Variants in DSPP observed in about 807,000 individuals in gnomAD.
The protein encoded by DSPP is dentin sialophosphoprotein, also known as deafness, autosomal dominant 39.
In DSPP, 28 loss-of-function variants were observed where a neutral mutation model predicts 29.1. That is an observed-to-expected ratio of 0.96 (90% CI 0.71 to 1.32). The LOEUF is 1.32. Ranked by LOEUF, DSPP falls within the 40% of genes most tolerant of loss-of-function variation. DSPP has a pLI of 0.00. For missense variants in DSPP, 1,281 were observed against 1,629.9 expected, an observed-to-expected ratio of 0.79 and a Z score of 3.69; for synonymous variants, 481 against 503.4, an observed-to-expected ratio of 0.96 and a Z score of 0.60.
In DSPP at chr4:87,614,951, CAGCAGTGACAGCAGTGAT is replaced by C. The variant is rs1270564167; in HGVS notation, c.2310_2327del (p.Asp775_Ser780del). 2.1e-5 allele frequency: 32 copies of C among 1,535,906 alleles called. 1 individual carries two copies. Among genetic ancestry groups the C allele is most frequent in the Middle Eastern group, 3.4e-4 (2 of 5,906 alleles). On this transcript the variant is annotated inframe_deletion, in exon 5 of 5. Coordinates refer to ENST00000651931, the MANE Select transcript of DSPP (RefSeq NM_014208.3). Reference sequence around the variant, plus strand: ...GTAGCGATAGCAGTGACAGCAGCAACAGCAGTGACAGCAGTGATAGCAGTGACAGCAGTGATAGTAGTG... The same window carrying C: ...GTAGCGATAGCAGTGACAGCAGCAACAGCAGTGACAGCAGTGATAGTAGTG...
At chr4:87,611,719 T>C (rs1016069902) in intron 2 of DSPP, among the ~76,000 whole-genome samples, 13 of 151,814 alleles carry the variant, frequency 8.6e-5, no homozygotes, top group African/African-American at 3.1e-4. Flanking sequence ...CTCTTAAGAG[T>C]TTTCATCAGG....
intron 1 of DSPP, among the ~76,000 whole-genome samples, chr4:87,608,881 A>G (rs1727683884): frequency 1.3e-5 from 2 of 152,228 alleles, no homozygotes; most frequent in African/African-American, 4.8e-5. Context: ...ACAATTAACT[A>G]TCTGGGCACT....
chr4:87,614,325 A>T lies in DSPP; in HGVS notation c.1663A>T (p.Ser555Cys). Residue 555 changes from serine to cysteine, a missense_variant, in exon 5 of 5, where the codon AGT (serine) becomes TGT (cysteine). This residue lies in a region of DSPP where 444 missense variants were observed against 611.4 expected (regional missense o/e 0.73). Coordinates refer to ENST00000651931, the MANE Select transcript of DSPP (RefSeq NM_014208.3). ...GKSDSSDSDS[S>C]DSSNSSDSSD... ...ATCAGATAGCAGTGACAGTGATAGT[A>T]GTGATAGCAGCAATAGCAGTGATAG... The T allele has an allele frequency of 1.2e-6, 2 of 1,611,700 alleles. No homozygotes were observed. Among genetic ancestry groups the T allele is most frequent in the Non-Finnish European group, 1.7e-6 (2 of 1,178,582 alleles).
In DSPP at chr4:87,616,676, A is replaced by G; in HGVS notation, c.*108A>G. 1 of 1,518,664 alleles carries G rather than the reference A, an allele frequency of 6.6e-7. No individual in the cohort carries two copies. The highest frequency in any genetic ancestry group is 8.9e-7 in the Non-Finnish European group (1 of 1,122,116). The allele number at this position is 1,518,664 out of a possible 1,614,324, so 94.1% of individuals were successfully genotyped here. A position where few individuals can be genotyped will look rare whatever the true frequency, so the allele number is the denominator to read the frequency against. The stretch of plus-strand genomic sequence containing the variant: ...AAGGGGAGAAATAAACATAAGACGT[A>G]TGTAAACAAAAACAACTGGGGGAAT... On this transcript the variant is annotated 3_prime_UTR_variant, in exon 5 of 5. Coordinates refer to ENST00000651931, the MANE Select transcript of DSPP (RefSeq NM_014208.3).
rs369587098 is a variant in DSPP, at chr4:87,616,449, T to A, written c.3787T>A (p.Ser1263Thr). 1 of 1,550,794 alleles carries A rather than the reference T, an allele frequency of 6.4e-7. No individual in the cohort carries two copies. Among genetic ancestry groups the A allele is most frequent in the Non-Finnish European group, 8.7e-7 (1 of 1,146,914 alleles). Residue 1263 changes from serine (S) to threonine (T), a missense_variant, in exon 5 of 5, where the codon TCT becomes ACT. Transcript: ENST00000651931. ...SDSSDSSDSTSDSNDESDSQS... is the reference protein window; with the variant it reads ...SDSSDSSDSTTDSNDESDSQS... ...CAGCAGTGATAGCAGTGACAGCACA[T>A]CTGACAGCAATGATGAGAGTGACAG...
intron 2 of DSPP, 78 bp from the exon 3 acceptor site, chr4:87,612,020 TGTGTGTG>T: frequency 1.3e-6 from 1 of 750,258 alleles, no homozygotes; most frequent in Non-Finnish European, 1.9e-6. Flanking sequence ...TTTGTGTGTG[TGTGTGTG>T]TGTGTGTGTG....
Position 87,616,433 on chromosome 4 carries a change from T to C in DSPP, c.3771T>C (p.Asp1257=), listed in dbSNP as rs758242727. ...SNSSDSSDSS[D]SSDSTSDSND... is the part of the protein sequence containing the mutation. ...GCAGTGACAGCAGCGACAGCAGTGA[T>C]AGCAGTGACAGCACATCTGACAGCA... The change falls in exon 5 of 5, where the codon GAT becomes GAC. Residue 1257 remains aspartate (D), a synonymous_variant. Coordinates refer to ENST00000651931, the MANE Select transcript of DSPP (RefSeq NM_014208.3). 52 of 1,534,618 alleles carry C rather than the reference T, an allele frequency of 3.4e-5. No homozygotes were observed. The highest frequency in any genetic ancestry group is 2.2e-4 in the Admixed American group (11 of 50,280).
Position 87,612,942 on chromosome 4 carries a change from T to G in DSPP, c.756T>G (p.Asp252Glu). The G allele has an allele frequency of 1.2e-6, 2 of 1,613,858 alleles. No individual in the cohort carries two copies. Among genetic ancestry groups the G allele is most frequent in the Non-Finnish European group, 8.5e-7 (1 of 1,179,972 alleles). Residue 252 changes from aspartate (D) to glutamate (E), a missense_variant, in exon 4 of 5, where the codon GAT becomes GAG. Asp to Glu is a conservative substitution (Grantham distance 45, BLOSUM62 2). This residue lies in a region of DSPP where 631 missense variants were observed against 643.2 expected (regional missense o/e 0.98). Transcript: ENST00000651931. ...GGAGTCCTAGTGGGAATGGAGCAGA[T>G]GAGGATGAAGACGAGGGTTCTGGTG... ...SDGSPSGNGADEDEDEGSGDD... is the reference protein window; with the variant it reads ...SDGSPSGNGAEEDEDEGSGDD...
rs779184591 is a variant in DSPP, at chr4:87,615,368, T to TAGTGACAGCAGTGATAGCAGCAACAGC, written c.2739_2765dup (p.Asp916_Ser924dup). 6.5e-7 allele frequency: 1 copy of TAGTGACAGCAGTGATAGCAGCAACAGC among 1,528,556 alleles called. No homozygotes were observed. The highest frequency in any genetic ancestry group is 2.5e-5 in the East Asian group (1 of 39,832). The allele number at this position is 1,528,556 out of a possible 1,614,324, so 94.7% of individuals were successfully genotyped here. A position where few individuals can be genotyped will look rare whatever the true frequency, so the allele number is the denominator to read the frequency against. On this transcript the variant is annotated inframe_insertion, in exon 5 of 5. Transcript: ENST00000651931. ...GCAGTGATAGCAGCAACAGCAGTGATAGTGACAGCAGTGATAGCAGCAACA... is the reference window on the plus strand; with the variant it reads ...GCAGTGATAGCAGCAACAGCAGTGATAGTGACAGCAGTGATAGCAGCAACAGCAGTGACAGCAGTGATAGCAGCAACA...
rs370969954 is a variant in DSPP at position 87,612,698 on chromosome 4, G to A, written c.512G>A (p.Gly171Asp). ...CAAAATGGGGATGTTGGCGATGCAG[G>A]TCACAATGAGGATGTCGCTGTTGTC... is the stretch of plus-strand genomic sequence containing the variant. ...NTQNGDVGDA[G>D]HNEDVAVVQE... is the part of the protein sequence containing the mutation. Residue 171 changes from glycine to aspartate, a missense_variant, in exon 4 of 5, where the codon GGT becomes GAT. By Grantham distance (94) the Gly-to-Asp change is moderately conservative. Coordinates refer to ENST00000651931, the MANE Select transcript of DSPP (RefSeq NM_014208.3). 187 of 1,614,058 alleles carry A rather than the reference G, an allele frequency of 1.2e-4. No individual in the cohort carries two copies. Among genetic ancestry groups the A allele is most frequent in the Non-Finnish European group, 1.5e-4 (180 of 1,180,030 alleles).
intron 1 of DSPP, 85 bp from the exon 2 acceptor site, chr4:87,610,796 C>T: frequency 1.1e-6 from 1 of 910,890 alleles, no homozygotes; most frequent in Non-Finnish European, 1.8e-6. Flanking sequence ...AGGAAAAGGG[C>T]AAATGCTTAC....
chr4:87,616,759 A>T lies in DSPP; in HGVS notation c.*191A>T, dbSNP rs924618304. On this transcript the variant is annotated 3_prime_UTR_variant, in exon 5 of 5. Transcript: ENST00000651931. ...TAACTCCTGCAGAGACAGACTCTGA[A>T]TGCATGACCTTTGGTACATGCCTGT... 3 of 852,448 alleles carry T rather than the reference A, an allele frequency of 3.5e-6. No individual in the cohort carries two copies. Among genetic ancestry groups the T allele is most frequent in the Non-Finnish European group, 5.4e-6 (3 of 555,172 alleles). The allele number at this position is 852,448 out of a possible 1,614,324, so 52.8% of individuals were successfully genotyped here. A position where few individuals can be genotyped will look rare whatever the true frequency, so the allele number is the denominator to read the frequency against.
Position 87,615,944 on chromosome 4 carries a change from T to A in DSPP, c.3282T>A (p.Ser1094Arg). 4 of 414,650 alleles carry A rather than the reference T, an allele frequency of 9.6e-6. 1 individual carries two copies. Among genetic ancestry groups the A allele is most frequent in the African/African-American group, 1.9e-4 (2 of 10,762 alleles). 25.7% of individuals were successfully genotyped at this position (414,650 alleles called of 1,614,324 possible). The part of the protein sequence containing the change: ...SSDSSDSSNS[S>R]DSSDSSDSSD... ...ATAGCAGTGACAGCAGCAATAGCAG[T>A]GACAGCAGCGATAGCAGCGACAGCA... The change falls in exon 5 of 5, where the codon AGT becomes AGA. Residue 1094 changes from serine (S) to arginine (R), a missense_variant. By Grantham distance (110) the Ser-to-Arg change is moderately radical. Around this residue, in one of 4 missense-constraint regions of DSPP, gnomAD observed 72 missense variants for 190.3 expected, o/e 0.38. Transcript: ENST00000651931.
Position 87,616,109 on chromosome 4 carries a change from A to G in DSPP, c.3447A>G (p.Glu1149=), listed in dbSNP as rs200612038. 3.4e-6 allele frequency: 2 copies of G among 596,762 alleles called. No individual in the cohort carries two copies. The highest frequency in any genetic ancestry group is 4.4e-6 in the Non-Finnish European group (2 of 452,176). The allele number at this position is 596,762 out of a possible 1,614,324, so 37.0% of individuals were successfully genotyped here. ...GCAGTGACAGCAGTGACAGCAGTGA[A>G]AGCAGCGACAGCAGTGACAGCAGCG... ...SNSSDSSDSS[E]SSDSSDSSDS... is the part of the protein sequence containing the mutation. The change falls in exon 5 of 5, where the codon GAA becomes GAG. Residue 1149 remains glutamate, a synonymous_variant. Coordinates refer to ENST00000651931, the MANE Select transcript of DSPP (RefSeq NM_014208.3).
At chr4:87,609,372 T>C (rs1466938278) in intron 1 of DSPP, among the ~76,000 whole-genome samples, 1 of 152,166 alleles carries the variant, frequency 6.6e-6, no homozygotes, top group Non-Finnish European at 1.5e-5. Context: ...CAAATCACAG[T>C]GCAGACGGGC....
At chr4:87,613,671 A>G in intron 4 of DSPP, 114 bp from the exon 5 acceptor site, 1 of 1,425,576 alleles carries the variant, frequency 7.0e-7, no homozygotes, top group Non-Finnish European at 9.8e-7. Flanking sequence ...GTGAAGTACT[A>G]GAAATGTAAC....
In DSPP at chr4:87,612,680, G is replaced by A. The variant is rs1310693941; in HGVS notation, c.494G>A (p.Gly165Glu). 1 of 1,613,986 alleles carries A rather than the reference G, an allele frequency of 6.2e-7. No homozygotes were observed. Among genetic ancestry groups the A allele is most frequent in the African/African-American group, 1.3e-5 (1 of 74,918 alleles). The change falls in exon 4 of 5, where the codon GGG becomes GAG. Residue 165 changes from glycine (G) to glutamate (E), a missense_variant. Gly to Glu is a moderately conservative substitution (Grantham distance 98, BLOSUM62 -2). Around this residue, in one of 4 missense-constraint regions of DSPP, gnomAD observed 631 missense variants for 643.2 expected, o/e 0.98. Coordinates refer to ENST00000651931, the MANE Select transcript of DSPP (RefSeq NM_014208.3). Reference sequence around the variant, plus strand: ...AATACTGATAAGAATACCCAAAATGGGGATGTTGGCGATGCAGGTCACAAT... The same window carrying A: ...AATACTGATAAGAATACCCAAAATGAGGATGTTGGCGATGCAGGTCACAAT... ...NGNTDKNTQN[G>E]DVGDAGHNED... is the part of the protein sequence containing the mutation.
intron 2 of DSPP, 90 bp from the exon 3 acceptor site, chr4:87,612,007 ATATTTGTG>A: frequency 8.5e-7 from 1 of 1,181,224 alleles, no homozygotes; most frequent in Middle Eastern, 2.7e-4. Flanking sequence ...GGAGGGAAGA[ATATTTGTG>A]TGTGTGTGTG....
chr4:87,616,478 G>C lies in DSPP; in HGVS notation c.3816G>C (p.Gln1272His), dbSNP rs1727959544. Residue 1272 changes from glutamine (Q) to histidine (H), a missense_variant, in exon 5 of 5, where the codon CAG becomes CAC. Physicochemically the swap from Gln to His is conservative, Grantham distance 24. Around this residue, in one of 4 missense-constraint regions of DSPP, gnomAD observed 134 missense variants for 185.0 expected, o/e 0.72. Coordinates refer to ENST00000651931, the MANE Select transcript of DSPP (RefSeq NM_014208.3). ...ACAGCAATGATGAGAGTGACAGCCA[G>C]AGCAAGTCTGGTAACGGTAACAACA... ...TSDSNDESDSQSKSGNGNNNG... is the reference protein window; with the variant it reads ...TSDSNDESDSHSKSGNGNNNG... 18 of 1,551,742 alleles carry C rather than the reference G, an allele frequency of 1.2e-5. No individual in the cohort carries two copies. Among genetic ancestry groups the C allele is most frequent in the Non-Finnish European group, 1.6e-5 (18 of 1,146,994 alleles).
Sources: gnomAD v4.1 joint callset for allele counts (sites outside exome capture counted in the v4.1 genomes callset) on GRCh38, gnomAD v4.1.1 for gene constraint, gnomAD v4.1.1 regional missense constraint, MANE v1.5 for transcripts, NCBI Gene and HGNC (gene_info 2026-07-23, HGNC 2026-07-21) for gene names.